FRK: variants seen among roughly 807,000 people sequenced by gnomAD.
FRK encodes the protein fyn related Src family tyrosine kinase.
In FRK, 51 loss-of-function variants were observed where a neutral mutation model predicts 56.4. That is an observed-to-expected ratio of 0.90 (90% CI 0.72 to 1.14). FRK has a LOEUF of 1.14. Among genes scored for constraint, FRK ranks in the 50% most tolerant of loss-of-function variants. The probability of loss-of-function intolerance (pLI) is 0.00; values close to 1 mark genes in which losing one functional copy is unlikely to be tolerated. For synonymous variants in FRK, 245 were observed against 217.9 expected, an observed-to-expected ratio of 1.12 and a Z score of -1.10; for missense variants, 570 against 601.4, an observed-to-expected ratio of 0.95 and a Z score of 0.55.
chr6:116,010,277 G>T (rs1352066373), intron 1 of FRK, among the ~76,000 whole-genome samples: 2 of 152,006 alleles, frequency 1.3e-5, no homozygotes, highest in African/African-American at 2.4e-5. Context: ...ATTAGTGAGA[G>T]AATATGAAAG....
chr6:116,029,131 C>T (rs1562294325), intron 1 of FRK, among the ~76,000 whole-genome samples: 1 of 152,102 alleles, frequency 6.6e-6, no homozygotes, highest in Non-Finnish European at 1.5e-5. Flanking sequence ...TTCACTAGAT[C>T]CTTCAATTCA....
intron 1 of FRK, among the ~76,000 whole-genome samples, chr6:116,005,270 C>G (rs1175875810): frequency 6.6e-6 from 1 of 152,158 alleles, no homozygotes; most frequent in African/African-American, 2.4e-5. Flanking sequence ...CTCCAAAAAT[C>G]TCAGTGGTTT....
chr6:115,971,342 A>C (rs1773798990), intron 2 of FRK, among the ~76,000 whole-genome samples: 2 of 152,218 alleles, frequency 1.3e-5, no homozygotes, highest in African/African-American at 2.4e-5. Flanking sequence ...CTGGCTACAA[A>C]ATGCCCTCCT....
At chr6:116,022,817 A>G (rs1050790711) in intron 1 of FRK, among the ~76,000 whole-genome samples, 21 of 152,212 alleles carry the variant, frequency 1.4e-4, no homozygotes, top group African/African-American at 5.1e-4. Flanking sequence ...AAACAAAAAA[A>G]TAATAATTTT....
chr6:116,002,330 A>C (rs146594063), intron 2 of FRK, among the ~76,000 whole-genome samples: 43 of 152,296 alleles, frequency 2.8e-4, no homozygotes, highest in African/African-American at 1.0e-3. Flanking sequence ...ATTTAAGGTA[A>C]GTGACAGGCC....
chr6:116,093,757 A>C, the FRK span, among the ~76,000 whole-genome samples: 1 of 152,284 alleles, frequency 6.6e-6, no homozygotes. Flanking sequence ...AAAGGAAGAA[A>C]ATCCTGCCTT....
chr6:116,086,684 A>G, the FRK span, among the ~76,000 whole-genome samples: 17 of 152,252 alleles, frequency 1.1e-4, no homozygotes, highest in Non-Finnish European at 1.2e-4. Context: ...AGGACATGGG[A>G]TTCAGAGTTT....
At chr6:116,091,440 T>C in the FRK span, among the ~76,000 whole-genome samples, 1 of 152,062 alleles carries the variant, frequency 6.6e-6, no homozygotes, top group Non-Finnish European at 1.5e-5. Context: ...AAATCTTGCT[T>C]CTGCTCGCTC....
the FRK span, among the ~76,000 whole-genome samples, chr6:116,067,652 C>T: frequency 1.3e-5 from 2 of 152,154 alleles, no homozygotes; most frequent in African/African-American, 4.8e-5. Context: ...AAAGACACTG[C>T]TATTTCAGTG....
chr6:116,006,462 T>C (rs944801052), intron 1 of FRK, among the ~76,000 whole-genome samples: 3 of 152,170 alleles, frequency 2.0e-5, no homozygotes, highest in African/African-American at 7.2e-5. Flanking sequence ...TAAGAGCAAT[T>C]TGGCACTATC....
chr6:115,974,815 C>T (rs1773932633), intron 2 of FRK, among the ~76,000 whole-genome samples: 1 of 152,116 alleles, frequency 6.6e-6, no homozygotes, highest in Non-Finnish European at 1.5e-5. Flanking sequence ...CCCTTCCTTT[C>T]CTCTCAATTT....
In FRK at chr6:116,017,742, G is replaced by T. The variant is rs1303051151; in HGVS notation, c.345-13744C>A. On this transcript the variant is annotated intron_variant, in intron 1 of 7. Transcript: ENST00000606080. ...AGTGCCACAGGCAATTCAGAGGCAG[G>T]TAACCAAGGTACTACAATTTGAAAA... 3.3e-5 allele frequency among the ~76,000 whole-genome samples: 5 copies of T among 152,224 alleles called. No individual in the cohort carries two copies. In the East Asian group the frequency reaches 7.7e-4, roughly 24 times the overall value.
chr6:116,035,689 T>G (rs73772206), intron 1 of FRK, among the ~76,000 whole-genome samples: 15,251 of 152,114 alleles, frequency 0.1, 884 homozygotes, highest in African/African-American at 0.16. Context: ...AATCAAACTA[T>G]CAACTCATTG....
At chr6:116,035,484 C>G (rs1776443099) in intron 1 of FRK, among the ~76,000 whole-genome samples, 1 of 152,034 alleles carries the variant, frequency 6.6e-6, no homozygotes, top group Non-Finnish European at 1.5e-5. Flanking sequence ...CCATCAAAAA[C>G]ACACATTCAG....
chr6:116,011,124 C>T (rs1255950770), intron 1 of FRK, among the ~76,000 whole-genome samples: 2 of 152,048 alleles, frequency 1.3e-5, no homozygotes, highest in African/African-American at 4.8e-5. Flanking sequence ...TGAATATCAA[C>T]ATTTACATAA....
intron 1 of FRK, among the ~76,000 whole-genome samples, chr6:116,026,028 T>A (rs1162107023): frequency 2.0e-5 from 3 of 152,074 alleles, no homozygotes; most frequent in Non-Finnish European, 2.9e-5. Flanking sequence ...TGGAAAAAAA[T>A]TCAGCACCTT....
At chr6:116,031,458 C>T (rs1351000359) in intron 1 of FRK, among the ~76,000 whole-genome samples, 1 of 152,082 alleles carries the variant, frequency 6.6e-6, no homozygotes, top group East Asian at 1.9e-4. Context: ...TCACATCTAG[C>T]TCTAATGGTT....
At chr6:116,024,409 TC>T (rs941363620) in intron 1 of FRK, among the ~76,000 whole-genome samples, 8 of 140,714 alleles carry the variant, frequency 5.7e-5, no homozygotes, top group African/African-American at 1.8e-4. Flanking sequence ...ATGCTATCCC[TC>T]CCCCCTCCCC....
chr6:116,041,583 G>C (rs1455127021), intron 1 of FRK, among the ~76,000 whole-genome samples: 1 of 152,118 alleles, frequency 6.6e-6, no homozygotes, highest in Non-Finnish European at 1.5e-5. Flanking sequence ...TAGACAGTTG[G>C]TGCAGCCCAC....
Sources: allele counts gnomAD v4.1 joint callset (sites outside exome capture counted in the v4.1 genomes callset), GRCh38; gene constraint gnomAD v4.1.1; transcripts MANE v1.5; gene names NCBI Gene and HGNC (gene_info 2026-07-23, HGNC 2026-07-21).